Variants in HMCN1 observed in about 807,000 individuals in gnomAD.
The protein encoded by HMCN1 is hemicentin 1, also known as hemicentin-1.
A neutral mutation model predicts 625.9 loss-of-function variants in HMCN1; 321 were observed. The ratio of observed to expected loss-of-function variants is 0.51; its 90% CI spans 0.47 to 0.56. The LOEUF is 0.56. Ranked by LOEUF, HMCN1 falls within the 20% of genes least tolerant of loss-of-function variation. HMCN1 has a pLI of 0.00. For missense variants in HMCN1, 6,588 were observed against 6,887.3 expected (o/e 0.96, Z 1.54); for synonymous variants, 2,425 against 2,417.6 (o/e 1.00, Z -0.09).
In HMCN1 at chr1:186,068,826, G is replaced by A. The variant is rs565292718; in HGVS notation, c.7879+819G>A. Among the ~76,000 whole-genome samples the A allele has an allele frequency of 5.0e-5, 7 of 140,084 alleles. No homozygotes were observed. In the South Asian group the frequency reaches 1.3e-3, roughly 27 times the overall value. 91.9% of individuals were successfully genotyped at this position (140,084 alleles called of 152,430 possible). ...GGAGGTTGCAGTAAGCCGAGATCGTGCCACTGCACTCCAGCCTGGGCAACA... is the reference window on the plus strand; with the variant it reads ...GGAGGTTGCAGTAAGCCGAGATCGTACCACTGCACTCCAGCCTGGGCAACA... On this transcript the variant is annotated intron_variant, in intron 50 of 106. Coordinates refer to ENST00000271588, the MANE Select transcript of HMCN1 (RefSeq NM_031935.3).
Position 186,087,950 on chromosome 1 carries a change from T to C in HMCN1, c.9382T>C (p.Tyr3128His). 2 of 1,612,858 alleles carry C rather than the reference T, an allele frequency of 1.2e-6. No individual in the cohort carries two copies. The highest frequency in any genetic ancestry group is 1.7e-6 in the Non-Finnish European group (2 of 1,179,202). Reference sequence around the variant, plus strand: ...CTTTTAGGTATCTGACACAGGCCAGTATGTATGTAGAGCTATAAATGTAGC... The same window carrying C: ...CTTTTAGGTATCTGACACAGGCCAGCATGTATGTAGAGCTATAAATGTAGC... Reference protein sequence around the residue: ...KKAEVSDTGQYVCRAINVAGR... With the variant: ...KKAEVSDTGQHVCRAINVAGR... Residue 3128 changes from tyrosine to histidine, a missense_variant, in exon 61 of 107, where the codon TAT becomes CAT. Tyr to His is a moderately conservative substitution (Grantham distance 83). Coordinates refer to ENST00000271588, the MANE Select transcript of HMCN1 (RefSeq NM_031935.3).
At chr1:186,087,890 A>T (rs780441413) in intron 60 of HMCN1, 42 bp from the exon 61 acceptor site, 1 of 1,535,876 alleles carries the variant, frequency 6.5e-7, no homozygotes, top group Non-Finnish European at 9.0e-7. Flanking sequence ...TTGGTCATCT[A>T]TAACTTAATG....
intron 1 of HMCN1, among the ~76,000 whole-genome samples, chr1:185,751,138 A>G (rs1233146275): frequency 6.6e-6 from 1 of 151,900 alleles, no homozygotes; most frequent in East Asian, 1.9e-4. Flanking sequence ...CTACTCCTTC[A>G]TTTTGGATTC....
intron 52 of HMCN1, among the ~76,000 whole-genome samples, chr1:186,073,790 GAA>G (rs559551707): frequency 2.1e-5 from 3 of 141,812 alleles, no homozygotes; most frequent in Non-Finnish European, 3.1e-5. Context: ...CCCATGGGAT[GAA>G]AAAAAAAAAA....
At chr1:186,153,007 G>A in intron 96 of HMCN1, 136 bp downstream of exon 96, 1 of 1,207,488 alleles carries the variant, frequency 8.3e-7, no homozygotes, top group Non-Finnish European at 1.2e-6. Context: ...ATAACTATCT[G>A]ATCTTTGTTT....
chr1:186,095,093 A>T, intron 67 of HMCN1, 150 bp from the exon 68 acceptor site: 2 of 732,380 alleles, frequency 2.7e-6, no homozygotes, highest in African/African-American at 1.8e-5. Flanking sequence ...AGATATTTTT[A>T]TTGTAAAGTC....
chr1:186,125,558 T>C, intron 81 of HMCN1, 46 bp from the exon 82 acceptor site: 1 of 1,425,470 alleles, frequency 7.0e-7, no homozygotes, highest in Non-Finnish European at 9.9e-7. Flanking sequence ...ATAAAGACAT[T>C]ATTGAACTCA....
intron 11 of HMCN1, among the ~76,000 whole-genome samples, chr1:185,950,292 T>C (rs1668579460): frequency 6.6e-6 from 1 of 151,648 alleles, no homozygotes. Context: ...AAAATAGATT[T>C]TGGAAGTTAT....
rs1233902045 is a variant in HMCN1, at chr1:185,758,134, T to G, written c.268+23087T>G. On this transcript the variant is annotated intron_variant, in intron 1 of 106. Coordinates refer to ENST00000271588, the MANE Select transcript of HMCN1 (RefSeq NM_031935.3). ...TCGTGTCATTTGGACTGTTGGCGGATATATACATTTTTCAGGATTGTCTTC... is the reference window on the plus strand; with the variant it reads ...TCGTGTCATTTGGACTGTTGGCGGAGATATACATTTTTCAGGATTGTCTTC... 2.0e-5 allele frequency among the ~76,000 whole-genome samples: 3 copies of G among 152,326 alleles called. No individual in the cohort carries two copies. In the East Asian group the frequency reaches 5.8e-4, roughly 29 times the overall value.
chr1:185,972,353 C>T (rs1303580649), intron 15 of HMCN1, among the ~76,000 whole-genome samples: 1 of 152,152 alleles, frequency 6.6e-6, no homozygotes, highest in East Asian at 1.9e-4. Context: ...TTCCTTCTTC[C>T]ATCCAGTGAT....
At position 186,183,706 on chromosome 1, in the gene HMCN1, T is replaced by G. The variant is rs1228511495; in HGVS notation, c.16414+1419T>G. ...ATCAGAGTGATTATGTGAGCCTTAA[T>G]GTCCTAGAATAATCAAGAGCAGAGG... On this transcript the variant is annotated intron_variant, in intron 105 of 106. Coordinates refer to ENST00000271588, the MANE Select transcript of HMCN1 (RefSeq NM_031935.3). Among the ~76,000 whole-genome samples, 5 of 152,174 alleles carry G rather than the reference T, an allele frequency of 3.3e-5. No homozygotes were observed. The East Asian group carries it at 9.6e-4, about 29-fold the overall frequency.
chr1:186,117,610 A>C lies in HMCN1; in HGVS notation c.11835A>C (p.Arg3945Ser), dbSNP rs764429082. The C allele has an allele frequency of 6.2e-7, 1 of 1,613,758 alleles. No homozygotes were observed. Among genetic ancestry groups the C allele is most frequent in the East Asian group, 2.2e-5 (1 of 44,868 alleles). ...IRLLPRGDGYRILSSGAIEIL... is the reference protein window; with the variant it reads ...IRLLPRGDGYSILSSGAIEIL... The stretch of plus-strand genomic sequence containing the variant: ...TGCTTCCCAGGGGAGATGGCTATAG[A>C]ATTCTGTCCTCAGGTAAGACCAAGC... The change falls in exon 77 of 107, where the codon AGA (arginine) becomes AGC (serine). Residue 3945 changes from arginine (R) to serine (S), a missense_variant. Coordinates refer to ENST00000271588, the MANE Select transcript of HMCN1 (RefSeq NM_031935.3).
intron 36 of HMCN1, among the ~76,000 whole-genome samples, chr1:186,024,428 C>T (rs1218225628): frequency 1.3e-5 from 2 of 152,112 alleles, no homozygotes; most frequent in African/African-American, 4.8e-5. Flanking sequence ...TATCCTGAGG[C>T]TCGTTCTCTT....
At chr1:186,067,718 GT>G in intron 49 of HMCN1, 115 bp from the exon 50 acceptor site, 1 of 683,134 alleles carries the variant, frequency 1.5e-6, no homozygotes, top group Non-Finnish European at 2.5e-6. Flanking sequence ...ATAATAATTT[GT>G]TTTCTGTAAC....
intron 1 of HMCN1, among the ~76,000 whole-genome samples, chr1:185,784,067 C>G (rs916840795): frequency 5.9e-5 from 9 of 152,228 alleles, no homozygotes; most frequent in African/African-American, 2.2e-4. Context: ...CGCCCCTCCC[C>G]CCGCCTCGCT....
intron 1 of HMCN1, among the ~76,000 whole-genome samples, chr1:185,736,866 TTAAC>T (rs1412768265): frequency 6.6e-6 from 1 of 152,224 alleles, no homozygotes; most frequent in Non-Finnish European, 1.5e-5. Flanking sequence ...GAGAAAATGG[TTAAC>T]TAATTTAAAT....
chr1:186,112,082 A>T (rs1338740177), intron 71 of HMCN1, among the ~76,000 whole-genome samples: 1 of 152,212 alleles, frequency 6.6e-6, no homozygotes, highest in African/African-American at 2.4e-5. Context: ...CTCCAATTAG[A>T]CTTAATAGCA....
rs549839685 is a variant in HMCN1 at position 186,126,398 on chromosome 1, A to G, written c.12690+604A>G. Among the ~76,000 whole-genome samples the G allele has an allele frequency of 1.4e-3, 210 of 152,280 alleles. 2 individuals are homozygous for G. The South Asian group carries it at 0.02, about 14-fold the overall frequency. ...AGATCTTTGCCCTCATGGAGTTTATATCTAGAGGAAGGAGACAATAAAAAT... is the reference window on the plus strand; with the variant it reads ...AGATCTTTGCCCTCATGGAGTTTATGTCTAGAGGAAGGAGACAATAAAAAT... On this transcript the variant is annotated intron_variant, in intron 82 of 106. Transcript: ENST00000271588.
intron 1 of HMCN1, among the ~76,000 whole-genome samples, chr1:185,827,667 G>A (rs1469498535): frequency 1.3e-5 from 2 of 151,898 alleles, no homozygotes; most frequent in Non-Finnish European, 2.9e-5. Flanking sequence ...TTGGAGTCAC[G>A]AATAAAAATG....
Sources: gnomAD v4.1 joint callset for allele counts (sites outside exome capture counted in the v4.1 genomes callset) on GRCh38, gnomAD v4.1.1 for gene constraint, MANE v1.5 for transcripts, NCBI Gene and HGNC (gene_info 2026-07-23, HGNC 2026-07-21) for gene names.